MVP: variants seen among roughly 807,000 people sequenced by gnomAD.
The protein encoded by MVP is major vault protein.
MVP carries 62 observed loss-of-function variants against 83.5 expected under a neutral mutation model. That is an observed-to-expected ratio of 0.74 (90% CI 0.61 to 0.92). The LOEUF (loss-of-function observed/expected upper bound fraction) is 0.92. MVP is among the 40% of genes least tolerant of loss of function. The pLI is 0.00. For missense variants in MVP, 1,000 were observed against 1,203.4 expected (o/e 0.83, Z 2.50); for synonymous variants, 505 against 504.1 (o/e 1.00, Z -0.02).
rs753938190 is a variant in MVP, at chr16:29,834,012, C to T, written c.523C>T (p.Arg175Trp). 12 of 1,613,854 alleles carry T rather than the reference C, an allele frequency of 7.4e-6. No individual in the cohort carries two copies. The highest frequency in any genetic ancestry group is 5.5e-5 in the South Asian group (5 of 91,042). The change falls in exon 5 of 15, where the codon CGG becomes TGG. Residue 175 changes from arginine (R) to tryptophan (W), a missense_variant. Arg to Trp is a moderately radical substitution (Grantham distance 101). Transcript: ENST00000357402. ...ATIIRQNQAL[R>W]LRARKECWDR... ...CATCATCAGGCAGAACCAGGCTCTG[C>T]GGCTCAGGGCCCGCAAGGAGTGCTG...
At chr16:29,836,270 A>G (rs1259119878) in intron 6 of MVP, among the ~76,000 whole-genome samples, 3 of 150,042 alleles carry the variant, frequency 2.0e-5, no homozygotes, top group Non-Finnish European at 4.5e-5. Context: ...CCTGTCTCAA[A>G]AAAAAAAAAA....
chr16:29,846,390 GC>G, intron 13 of MVP, 106 bp downstream of exon 13: 9 of 1,417,842 alleles, frequency 6.3e-6, no homozygotes, highest in Non-Finnish European at 8.4e-6. Context: ...CCAACATAAA[GC>G]CCTATCCAAG....
intron 6 of MVP, among the ~76,000 whole-genome samples, chr16:29,836,171 G>A (rs140529031): frequency 1.7e-3 from 265 of 151,830 alleles, no homozygotes; most frequent in African/African-American, 4.0e-3. Flanking sequence ...GAGGCGCTGA[G>A]GCAGGAGAAT....
rs141230585 is a variant in MVP, at chr16:29,830,918, C to T, written c.166C>T (p.Arg56Cys). The change falls in exon 3 of 15, where the codon CGT (arginine) becomes TGT (cysteine). Residue 56 changes from arginine (R) to cysteine (C), a missense_variant. Physicochemically the swap from Arg to Cys is radical, Grantham distance 180. Transcript: ENST00000357402. ...CATGCGCATGGTGACCGTCCCCCCA[C>T]GTCACTACTGCACAGTGGCCAACCC... ...APMRMVTVPP[R>C]HYCTVANPVS... 90 of 1,613,938 alleles carry T rather than the reference C, an allele frequency of 5.6e-5. 1 individual carries two copies. The highest frequency in any genetic ancestry group is 1.7e-4 in the Admixed American group (10 of 60,006).
In MVP at chr16:29,844,796, G is replaced by A; in HGVS notation, c.1938G>A (p.Val646=). The A allele has an allele frequency of 6.2e-7, 1 of 1,610,068 alleles. No individual in the cohort carries two copies. The highest frequency in any genetic ancestry group is 1.1e-5 in the South Asian group (1 of 91,086). ...TGGACGTGCAGTCAGTGGAGCCTGT[G>A]GATCAGAGGACCCGGGACGCCCTGC... The part of the protein sequence containing the change: ...SSVDVQSVEP[V]DQRTRDALQR... Residue 646 remains valine, a synonymous_variant, in exon 11 of 15, where the codon GTG becomes GTA. Transcript: ENST00000357402.
In MVP at chr16:29,834,036, T is replaced by TG; in HGVS notation, c.550dup (p.Asp184GlyfsTer27). 1 of 1,613,928 alleles carries TG rather than the reference T, an allele frequency of 6.2e-7. No individual in the cohort carries two copies. The highest frequency in any genetic ancestry group is 1.1e-5 in the South Asian group (1 of 91,044). On this transcript the variant is annotated frameshift_variant, in exon 5 of 15. Transcript: ENST00000357402. LOFTEE classifies it high-confidence loss of function. The stretch of plus-strand genomic sequence containing the variant: ...GCGGCTCAGGGCCCGCAAGGAGTGC[T>TG]GGGACCGGGACGGCAAGGAGAGGGT...
At chr16:29,840,147 C>T (rs2067521764) in intron 7 of MVP, 31 bp from the exon 8 acceptor site, 1 of 1,570,644 alleles carries the variant, frequency 6.4e-7, no homozygotes, top group Admixed American at 1.8e-5. Flanking sequence ...ACCCTAAAGG[C>T]ACTGACCCTA....
At chr16:29,831,477 C>T (rs1214996874) in intron 3 of MVP, among the ~76,000 whole-genome samples, 1 of 152,074 alleles carries the variant, frequency 6.6e-6, no homozygotes, top group South Asian at 2.1e-4. Flanking sequence ...AAAGGGAAAA[C>T]AAACCAGGGC....
chr16:29,835,596 C>A (rs1271512324), intron 5 of MVP, 108 bp from the exon 6 acceptor site: 7 of 830,798 alleles, frequency 8.4e-6, no homozygotes, highest in Non-Finnish European at 1.3e-5. Flanking sequence ...TCAGTGCTAT[C>A]TTTTTGCCTA....
intron 3 of MVP, chr16:29,833,283 C>G (rs978039003): frequency 3.1e-5 from 5 of 160,584 alleles, no homozygotes; most frequent in Non-Finnish European, 6.8e-5. Context: ...GTTCAAAGGG[C>G]CTTCTCTAAC....
Position 29,840,172 on chromosome 16 carries a change from C to A in MVP, c.910-6C>A. The A allele has an allele frequency of 3.1e-6, 5 of 1,603,228 alleles. No individual in the cohort carries two copies. The highest frequency in any genetic ancestry group is 4.3e-6 in the Non-Finnish European group (5 of 1,173,978). On this transcript the variant is annotated splice_polypyrimidine_tract_variant and splice_region_variant and intron_variant, in intron 7 of 14. Coordinates refer to ENST00000357402, the MANE Select transcript of MVP (RefSeq NM_005115.5). ...CACTGACCCTAACCTCACGTCTCCC[C>A]ACTAGGGAGAGAAGTCTTTTTTCCT...
intron 6 of MVP, 93 bp from the exon 7 acceptor site, chr16:29,836,628 TG>T: frequency 1.1e-6 from 1 of 929,920 alleles, no homozygotes; most frequent in Non-Finnish European, 1.6e-6. Flanking sequence ...CTCTGAGATC[TG>T]GGAGCATTGG....
chr16:29,829,073 CTT>C (rs36101620), intron 1 of MVP, among the ~76,000 whole-genome samples: 4 of 128,310 alleles, frequency 3.1e-5, no homozygotes, highest in Admixed American at 7.8e-5. Flanking sequence ...TGAGGAACCA[CTT>C]TTTTTTTTTT....
intron 3 of MVP, chr16:29,831,517 G>A (rs2067442157): frequency 2.3e-6 from 1 of 441,484 alleles, no homozygotes; most frequent in Non-Finnish European, 4.6e-6. Flanking sequence ...GACACTTGCT[G>A]GCTCTCACCA....
At chr16:29,828,924 T>C (rs2067421824) in intron 1 of MVP, among the ~76,000 whole-genome samples, 1 of 152,158 alleles carries the variant, frequency 6.6e-6, no homozygotes, top group Admixed American at 6.5e-5. Flanking sequence ...GGCTCAAGTA[T>C]AACTCCTCTT....
At position 29,833,762 on chromosome 16, in the gene MVP, C is replaced by T. The variant is rs774034457; in HGVS notation, c.351C>T (p.Pro117=). The part of the protein sequence containing the change: ...KDITPLQVVL[P]NTALHLKALL... ...TCACACCCCTGCAGGTGGTTCTGCC[C>T]AACACTGCCCTCCATCTAAAGGCGC... Residue 117 remains proline, a synonymous_variant, in exon 4 of 15, where the codon CCC becomes CCT. Transcript: ENST00000357402. 1 of 1,614,048 alleles carries T rather than the reference C, an allele frequency of 6.2e-7. No homozygotes were observed. The highest frequency in any genetic ancestry group is 1.1e-5 in the South Asian group (1 of 91,068).
At chr16:29,831,733 T>A (rs920073015) in intron 3 of MVP, 24 of 455,894 alleles carry the variant, frequency 5.3e-5, no homozygotes, top group African/African-American at 4.4e-4. Flanking sequence ...TGCCAGACAC[T>A]GGTGGGCAGT....
chr16:29,834,320 G>T, intron 5 of MVP: 1 of 459,396 alleles, frequency 2.2e-6, no homozygotes, highest in Non-Finnish European at 4.0e-6. Flanking sequence ...CATGAGCTGT[G>T]GGCAGTGGCC....
chr16:29,844,094 A>G (rs192802036), intron 10 of MVP, among the ~76,000 whole-genome samples: 152 of 152,308 alleles, frequency 1.0e-3, no homozygotes, highest in Non-Finnish European at 1.7e-3. Flanking sequence ...CACATGTTAT[A>G]TGGCAAGTCT....
Sources: gnomAD v4.1 joint callset for allele counts (sites outside exome capture counted in the v4.1 genomes callset) on GRCh38, gnomAD v4.1.1 for gene constraint, MANE v1.5 for transcripts, NCBI Gene and HGNC (gene_info 2026-07-23, HGNC 2026-07-21) for gene names.